SYTL1: variants seen among roughly 807,000 people sequenced by gnomAD.
SYTL1 encodes the protein synaptotagmin like 1, also known as synaptotagmin-like protein 1.
A neutral mutation model predicts 74.6 loss-of-function variants in SYTL1; 53 were observed. That is an observed-to-expected ratio of 0.71 (90% CI 0.57 to 0.89). SYTL1 has a LOEUF of 0.89. Ranked by LOEUF, SYTL1 falls within the 40% of genes least tolerant of loss-of-function variation. SYTL1 has a pLI of 0.00. For missense variants in SYTL1, 728 were observed against 768.7 expected, an observed-to-expected ratio of 0.95 and a Z score of 0.63; for synonymous variants, 329 against 324.9, an observed-to-expected ratio of 1.01 and a Z score of -0.14.
chr1:27,348,103 A>G lies in SYTL1; in HGVS notation c.459+91A>G. ...GGGGGGAAAGAGCCCCAGCCTGGGA[A>G]TGGGGAGACCCTGGAAATGTTCCTT... On this transcript the variant is annotated intron_variant, in intron 5 of 14. Coordinates refer to ENST00000616558, the MANE Select transcript of SYTL1 (RefSeq NM_001193308.2). This position sits in a 1 kb window ranked among gnomAD's most constrained non-coding sequence, Gnocchi z 4.1. 1 of 1,263,008 alleles carries G rather than the reference A, an allele frequency of 7.9e-7. No homozygotes were observed. 78.2% of individuals were successfully genotyped at this position (1,263,008 alleles called of 1,614,324 possible).
chr1:27,353,886 C>T lies in SYTL1; in HGVS notation c.*34C>T, dbSNP rs1557549846. On this transcript the variant is annotated 3_prime_UTR_variant, in exon 15 of 15. Transcript: ENST00000616558. Reference sequence around the variant, plus strand: ...AGCCTCTCTCTCTGGACCCCCATCTCAGGGCCTGCCCTTGGCTAAAGTCAA... The same window carrying T: ...AGCCTCTCTCTCTGGACCCCCATCTTAGGGCCTGCCCTTGGCTAAAGTCAA... 1.3e-6 allele frequency: 2 copies of T among 1,599,096 alleles called. No individual in the cohort carries two copies. The highest frequency in any genetic ancestry group is 1.1e-5 in the South Asian group (1 of 90,300).
Position 27,345,470 on chromosome 1 carries a change from G to T in SYTL1, c.136G>T (p.Ala46Ser). 6.4e-7 allele frequency: 1 copy of T among 1,561,020 alleles called. No individual in the cohort carries two copies. Among genetic ancestry groups the T allele is most frequent in the Non-Finnish European group, 8.7e-7 (1 of 1,151,756 alleles). ...GACAGAGGAGGAGCAGGAGGCCATT[G>T]CTGGCGTCCTCCAACGAGATGCCCG... ...FLTEEEQEAI[A>S]GVLQRDARLR... Residue 46 changes from alanine (A) to serine (S), a missense_variant, in exon 2 of 15, where the codon GCT becomes TCT. Coordinates refer to ENST00000616558, the MANE Select transcript of SYTL1 (RefSeq NM_001193308.2). The surrounding 1 kb of genome is among the most constrained non-coding windows in gnomAD (Gnocchi z 6.0).
At position 27,353,693 on chromosome 1, in the gene SYTL1, C is replaced by A. The variant is rs1273522142; in HGVS notation, c.1550-20C>A. 1 of 1,607,518 alleles carries A rather than the reference C, an allele frequency of 6.2e-7. No individual in the cohort carries two copies. On this transcript the variant is annotated intron_variant, in intron 14 of 14. Coordinates refer to ENST00000616558, the MANE Select transcript of SYTL1 (RefSeq NM_001193308.2). Reference sequence around the variant, plus strand: ...TGTCCAGTGTGATCATGCCCTCAACCCCTGCCCACCCACATCCAGGCAGCA... The same window carrying A: ...TGTCCAGTGTGATCATGCCCTCAACACCTGCCCACCCACATCCAGGCAGCA...
In SYTL1 at chr1:27,345,573, GC is replaced by G; in HGVS notation, c.191+53del. On this transcript the variant is annotated intron_variant, in intron 2 of 14. Transcript: ENST00000616558. This position sits in a 1 kb window ranked among gnomAD's most constrained non-coding sequence, Gnocchi z 6.0. ...CGGGGAGCACCAAGAGGCTTGAGTG[GC>G]CCCCATCCTGCTCCCTACCGACACC... is the stretch of plus-strand genomic sequence containing the variant. 7.5e-7 allele frequency: 1 copy of G among 1,332,714 alleles called. No individual in the cohort carries two copies. Among genetic ancestry groups the G allele is most frequent in the African/African-American group, 1.5e-5 (1 of 67,960 alleles). 82.6% of individuals were successfully genotyped at this position (1,332,714 alleles called of 1,614,324 possible). A position where few individuals can be genotyped will look rare whatever the true frequency, so the allele number is the denominator to read the frequency against.
rs753812066 is a variant in SYTL1 at position 27,353,798 on chromosome 1, C to T, written c.1635C>T (p.Cys545=). Residue 545 remains cysteine (C), a synonymous_variant, in exon 15 of 15, where the codon TGC becomes TGT. Coordinates refer to ENST00000616558, the MANE Select transcript of SYTL1 (RefSeq NM_001193308.2). ...GGCAAGCCCTCCTGGAGCAGCCGTG[C>T]GAATGGGTGGATGGCCTTCTACCCC... ...QLWQALLEQP[C]EWVDGLLPLR... is the part of the protein sequence containing the mutation. 25 of 1,613,874 alleles carry T rather than the reference C, an allele frequency of 1.5e-5. No homozygotes were observed. The highest frequency in any genetic ancestry group is 4.5e-5 in the East Asian group (2 of 44,890).
In SYTL1 at chr1:27,349,165, G is replaced by C; in HGVS notation, c.532+13G>C. The C allele has an allele frequency of 6.2e-7, 1 of 1,611,996 alleles. No individual in the cohort carries two copies. The highest frequency in any genetic ancestry group is 8.5e-7 in the Non-Finnish European group (1 of 1,178,308). On this transcript the variant is annotated intron_variant, in intron 6 of 14. Coordinates refer to ENST00000616558, the MANE Select transcript of SYTL1 (RefSeq NM_001193308.2). ...CAGGCCCAGGAAGGTGAGTGGGAGC[G>C]CCTGTTGGGGAGCACGGAGAGGTTT... is the stretch of plus-strand genomic sequence containing the variant.
Position 27,350,800 on chromosome 1 carries a change from G to A in SYTL1, c.1012G>A (p.Val338Ile), listed in dbSNP as rs2015234231. 1.2e-6 allele frequency: 2 copies of A among 1,613,742 alleles called. No homozygotes were observed. The highest frequency in any genetic ancestry group is 1.7e-6 in the Non-Finnish European group (2 of 1,180,016). The change falls in exon 11 of 15, where the codon GTC becomes ATC. Residue 338 changes from valine to isoleucine, a missense_variant. Transcript: ENST00000616558. This position sits in a 1 kb window ranked among gnomAD's most constrained non-coding sequence, Gnocchi z 6.3. ...PVFNETLRYS[V>I]PQAELQGRVL... The stretch of plus-strand genomic sequence containing the variant: ...GCTCACCTCCTGTCCTCAGTACTCC[G>A]TCCCGCAGGCCGAGCTTCAGGGCCG...
chr1:27,351,350 G>A lies in SYTL1; in HGVS notation c.1243+14G>A. 2 of 1,538,812 alleles carry A rather than the reference G, an allele frequency of 1.3e-6. No homozygotes were observed. Among genetic ancestry groups the A allele is most frequent in the Non-Finnish European group, 1.8e-6 (2 of 1,140,862 alleles). ...CCGGCTCCGAGGGTGAGTGACAGCC[G>A]GAGAGGCCAAGCTGGACACGCCCTG... On this transcript the variant is annotated intron_variant, in intron 12 of 14. Coordinates refer to ENST00000616558, the MANE Select transcript of SYTL1 (RefSeq NM_001193308.2). This position sits in a 1 kb window ranked among gnomAD's most constrained non-coding sequence, Gnocchi z 5.0.
At position 27,351,132 on chromosome 1, in the gene SYTL1, CCCTAGGTTCTGCCCCTG is replaced by C. The variant is rs1241370426; in HGVS notation, c.1165-124_1165-108del. 1.3e-5 allele frequency: 17 copies of C among 1,338,758 alleles called. 1 individual carries two copies. 82.9% of individuals were successfully genotyped at this position (1,338,758 alleles called of 1,614,324 possible). The stretch of plus-strand genomic sequence containing the variant: ...GCCCCTTCCCCGAGGGCGCTAGGAC[CCCTAGGTTCTGCCCCTG>C]CAGGCCCCGCCGTCTCTTCTAGCCG... On this transcript the variant is annotated intron_variant, in intron 11 of 14. Transcript: ENST00000616558. The surrounding 1 kb of genome is among the most constrained non-coding windows in gnomAD (Gnocchi z 5.0).
At position 27,349,710 on chromosome 1, in the gene SYTL1, C is replaced by A. The variant is rs770381618; in HGVS notation, c.692C>A (p.Ser231Tyr). 1.2e-6 allele frequency: 2 copies of A among 1,611,106 alleles called. No homozygotes were observed. Among genetic ancestry groups the A allele is most frequent in the Non-Finnish European group, 1.7e-6 (2 of 1,179,402 alleles). Residue 231 changes from serine to tyrosine, a missense_variant, in exon 8 of 15, where the codon TCT (serine) becomes TAT (tyrosine). Coordinates refer to ENST00000616558, the MANE Select transcript of SYTL1 (RefSeq NM_001193308.2). ...GAGGAGGCCCCGGGGCCCGACCCCTCTCTCGACCGCATGCTCAGCAGCAGC... is the reference window on the plus strand; with the variant it reads ...GAGGAGGCCCCGGGGCCCGACCCCTATCTCGACCGCATGCTCAGCAGCAGC... Reference protein sequence around the residue: ...NGEEAPGPDPSLDRMLSSSSS... With the variant: ...NGEEAPGPDPYLDRMLSSSSS...
At position 27,350,978 on chromosome 1, in the gene SYTL1, G is replaced by GGCCCGGGTC. The variant is rs780009653; in HGVS notation, c.1164+26_1164+27insGCCCGGGTC. 16 of 1,611,262 alleles carry GGCCCGGGTC rather than the reference G, an allele frequency of 9.9e-6. No homozygotes were observed. Among genetic ancestry groups the GGCCCGGGTC allele is most frequent in the Middle Eastern group, 1.7e-4 (1 of 6,004 alleles). On this transcript the variant is annotated intron_variant, in intron 11 of 14. Transcript: ENST00000616558. This position sits in a 1 kb window ranked among gnomAD's most constrained non-coding sequence, Gnocchi z 6.3. Reference sequence around the variant, plus strand: ...GTGAGGCAGCCAGGCCGCGTGGGGAGACCTGCGGCCCGGGTCTCCTGCATT... The same window carrying GGCCCGGGTC: ...GTGAGGCAGCCAGGCCGCGTGGGGAGGCCCGGGTCACCTGCGGCCCGGGTCTCCTGCATT...
chr1:27,347,658 C>T lies in SYTL1; in HGVS notation c.340+89C>T, dbSNP rs548833249. 1.9e-6 allele frequency: 3 copies of T among 1,554,200 alleles called. No homozygotes were observed. The African/African-American group carries it at 4.1e-5, about 21-fold the overall frequency. On this transcript the variant is annotated intron_variant, in intron 3 of 14. Transcript: ENST00000616558. This position sits in a 1 kb window ranked among gnomAD's most constrained non-coding sequence, Gnocchi z 4.9. ...CAGGGAGAGAGGACCACTAGGGCTC[C>T]AGTCCTGGCTGCCCCCAGTACTGTG...
Position 27,353,321 on chromosome 1 carries a change from G to T in SYTL1, c.1382G>T (p.Arg461Leu). 1 of 1,606,822 alleles carries T rather than the reference G, an allele frequency of 6.2e-7. No individual in the cohort carries two copies. Among genetic ancestry groups the T allele is most frequent in the African/African-American group, 1.3e-5 (1 of 74,932 alleles). Residue 461 changes from arginine to leucine, a missense_variant, in exon 14 of 15, where the codon CGT (arginine) becomes CTT (leucine). By Grantham distance (102) the Arg-to-Leu change is moderately radical. Coordinates refer to ENST00000616558, the MANE Select transcript of SYTL1 (RefSeq NM_001193308.2). ...LPDDSQASRQ[R>L]TRVVRRSLSP... ...GATGACAGCCAGGCCAGCCGCCAGC[G>T]TACAAGGGTTGTGCGACGCAGCCTC...
At chr1:27,346,633 G>A (rs1189701081) in intron 2 of SYTL1, among the ~76,000 whole-genome samples, 3 of 151,960 alleles carry the variant, frequency 2.0e-5, no homozygotes, top group Non-Finnish European at 4.4e-5. Context: ...GTGGTGGTGT[G>A]CGCCTGTAGT....
rs146612829 is a variant in SYTL1, at chr1:27,343,603, CGTGTGT to C, written c.-39+1464_-39+1469del. On this transcript the variant is annotated intron_variant, in intron 1 of 14. Transcript: ENST00000616558. The surrounding 1 kb of genome is among the most constrained non-coding windows in gnomAD (Gnocchi z 5.2). ...GAGTGAGCAGATGTGTGTGTGTGTA[CGTGTGT>C]GTGTGTGTGTATCTGTCTGTCTAGG... 2.0e-5 allele frequency among the ~76,000 whole-genome samples: 3 copies of C among 147,268 alleles called. No individual in the cohort carries two copies. Among genetic ancestry groups the C allele is most frequent in the African/African-American group, 7.5e-5 (3 of 40,032 alleles).
In SYTL1 at chr1:27,349,761, C is replaced by A. The variant is rs1215907508; in HGVS notation, c.743C>A (p.Ser248Tyr). Residue 248 changes from serine (S) to tyrosine (Y), a missense_variant, in exon 8 of 15, where the codon TCC becomes TAC. Ser to Tyr is a moderately radical substitution (Grantham distance 144, BLOSUM62 -2). Coordinates refer to ENST00000616558, the MANE Select transcript of SYTL1 (RefSeq NM_001193308.2). ...TCCTCGGTGTCCAGCCTTAACTCCTCCACGGTGAGGCGGGAGGGAGGGGAC... is the reference window on the plus strand; with the variant it reads ...TCCTCGGTGTCCAGCCTTAACTCCTACACGGTGAGGCGGGAGGGAGGGGAC... The part of the protein sequence containing the change: ...SSSSVSSLNS[S>Y]TLSGSQMSLS... 3 of 1,599,582 alleles carry A rather than the reference C, an allele frequency of 1.9e-6. No homozygotes were observed. In the South Asian group the frequency reaches 3.3e-5, roughly 18 times the overall value.
intron 6 of SYTL1, 39 bp downstream of exon 6, chr1:27,349,191 C>T (rs1410698098): frequency 2.5e-6 from 4 of 1,599,872 alleles, no homozygotes; most frequent in Non-Finnish European, 3.4e-6. Context: ...GGAGAGGTTT[C>T]GCGGGTCAGA....
chr1:27,348,794 G>A lies in SYTL1; in HGVS notation c.460-286G>A, dbSNP rs1000977729. ...ATAAAAAATAAAAATAAAAAAAGGA[G>A]TGAGAAAGGAATGGGACTGGCCTGG... On this transcript the variant is annotated intron_variant, in intron 5 of 14. Transcript: ENST00000616558. The surrounding 1 kb of genome is among the most constrained non-coding windows in gnomAD (Gnocchi z 4.1). Among the ~76,000 whole-genome samples the A allele has an allele frequency of 1.3e-5, 2 of 152,214 alleles. No individual in the cohort carries two copies. The highest frequency in any genetic ancestry group is 1.3e-4 in the Admixed American group (2 of 15,284).
chr1:27,344,721 G>A (rs1015628690), intron 1 of SYTL1, among the ~76,000 whole-genome samples: 5 of 151,010 alleles, frequency 3.3e-5, no homozygotes, highest in South Asian at 2.1e-4. Context: ...GTGATGGTGC[G>A]TGCCTATAAT....
Sources: allele counts gnomAD v4.1 joint callset (sites outside exome capture counted in the v4.1 genomes callset), GRCh38; gene constraint gnomAD v4.1.1; non-coding constraint Gnocchi (gnomAD v3.1); transcripts MANE v1.5; gene names NCBI Gene and HGNC (gene_info 2026-07-23, HGNC 2026-07-21).